Variants in DPP10 observed in about 807,000 individuals in gnomAD.
DPP10 encodes inactive dipeptidyl peptidase 10.
DPP10 carries 33 observed loss-of-function variants against 120.9 expected under a neutral mutation model. That is an observed-to-expected ratio of 0.27 (90% CI 0.21 to 0.37). The LOEUF (loss-of-function observed/expected upper bound fraction) is 0.37, where lower values mean the gene tolerates loss of function less well. DPP10 is among the 10% of genes least tolerant of loss of function. The pLI is 1.00. For synonymous variants in DPP10, 337 were observed against 326.1 expected (o/e 1.03, Z -0.36); for missense variants, 816 against 942.8 (o/e 0.87, Z 1.76).
intron 1 of DPP10, among the ~76,000 whole-genome samples, chr2:115,033,207 G>A (rs141129116): frequency 8.5e-5 from 13 of 152,272 alleles, no homozygotes; most frequent in African/African-American, 2.9e-4. Context: ...TAATGACTTG[G>A]TTCATGCAGT....
In DPP10 at chr2:114,563,312, C is replaced by CA. The variant is rs1238338513; in HGVS notation, c.60+120475dup. On this transcript the variant is annotated intron_variant, in intron 1 of 25. Transcript: ENST00000410059. ...ACTTGAACCTGGGAGGCAGAGGTTG[C>CA]AGTGCACTGAGATGGTGCCACTGCA... 4.0e-5 allele frequency among the ~76,000 whole-genome samples: 6 copies of CA among 151,118 alleles called. No individual in the cohort carries two copies. The Middle Eastern group carries it at 0.01, about 259-fold the overall frequency.
At chr2:114,973,346 T>C (rs1699518926) in intron 1 of DPP10, among the ~76,000 whole-genome samples, 1 of 151,262 alleles carries the variant, frequency 6.6e-6, no homozygotes, top group Admixed American at 6.6e-5. Context: ...TATTTTAGTG[T>C]GTACTCCTAC....
In DPP10 at chr2:114,564,006, A is replaced by T. The variant is rs192980329; in HGVS notation, c.60+121168A>T. 2.0e-5 allele frequency among the ~76,000 whole-genome samples: 3 copies of T among 152,292 alleles called. No homozygotes were observed. The East Asian group carries it at 5.8e-4, about 29-fold the overall frequency. On this transcript the variant is annotated intron_variant, in intron 1 of 25. Transcript: ENST00000410059. ...TGGGATAGCAGGAGAATGGGTGTGA[A>T]GTATCAAGGGCTGGGTTGGCCACAA...
At chr2:114,867,039 G>T (rs1690297545) in intron 1 of DPP10, among the ~76,000 whole-genome samples, 2 of 152,126 alleles carry the variant, frequency 1.3e-5, no homozygotes, top group African/African-American at 4.8e-5. Context: ...TTTCTGTTCT[G>T]TATTAATGAA....
At chr2:115,808,340 G>C (rs527884778) in intron 19 of DPP10, among the ~76,000 whole-genome samples, 2 of 152,154 alleles carry the variant, frequency 1.3e-5, no homozygotes, top group African/African-American at 4.8e-5. Flanking sequence ...CCTGAGAAAC[G>C]ATGTTCTTGA....
chr2:114,992,655 A>C (rs970986707), intron 1 of DPP10, among the ~76,000 whole-genome samples: 1 of 152,244 alleles, frequency 6.6e-6, no homozygotes, highest in Non-Finnish European at 1.5e-5. Flanking sequence ...GAAAATAAAT[A>C]GCAGGTTTAA....
At chr2:114,456,853 G>C (rs1678611087) in intron 1 of DPP10, among the ~76,000 whole-genome samples, 1 of 152,146 alleles carries the variant, frequency 6.6e-6, no homozygotes, top group Non-Finnish European at 1.5e-5. Flanking sequence ...GCATAAAGTG[G>C]GGAAATATAG....
At chr2:114,748,328 A>C (rs1678785775) in intron 1 of DPP10, among the ~76,000 whole-genome samples, 1 of 141,122 alleles carries the variant, frequency 7.1e-6, no homozygotes, top group Non-Finnish European at 1.5e-5. Flanking sequence ...CGTAGGACAA[A>C]GGGAATTTTC....
At chr2:115,681,313 ATATAT>A (rs768992596) in intron 5 of DPP10, among the ~76,000 whole-genome samples, 83 of 151,960 alleles carry the variant, frequency 5.5e-4, no homozygotes, top group Middle Eastern at 3.4e-3. Context: ...AGGTAAATAC[ATATAT>A]TATAATACTT....
intron 1 of DPP10, among the ~76,000 whole-genome samples, chr2:115,147,370 G>T (rs759838167): frequency 1.6e-4 from 25 of 151,920 alleles, no homozygotes; most frequent in Non-Finnish European, 2.8e-4. Flanking sequence ...CATTATTAAG[G>T]ATATTAACAA....
At chr2:114,601,737 T>C (rs1163175394) in intron 1 of DPP10, among the ~76,000 whole-genome samples, 1 of 151,986 alleles carries the variant, frequency 6.6e-6, no homozygotes, top group Non-Finnish European at 1.5e-5. Context: ...TGTTCCACAC[T>C]ACAGCTGCAG....
chr2:115,665,226 C>T (rs758096715), intron 5 of DPP10, among the ~76,000 whole-genome samples: 6 of 152,192 alleles, frequency 3.9e-5, no homozygotes, highest in Non-Finnish European at 5.9e-5. Flanking sequence ...ACAGCAGTCA[C>T]AATGTTACCG....
At chr2:115,047,045 A>T (rs1176797103) in intron 1 of DPP10, among the ~76,000 whole-genome samples, 1 of 151,946 alleles carries the variant, frequency 6.6e-6, no homozygotes, top group African/African-American at 2.4e-5. Context: ...AAGTAGTATC[A>T]CTCCTATAAT....
At chr2:115,223,269 T>C (rs2057267003) in intron 1 of DPP10, among the ~76,000 whole-genome samples, 3 of 152,160 alleles carry the variant, frequency 2.0e-5, no homozygotes, top group Admixed American at 1.3e-4. Flanking sequence ...TATTTTGTTT[T>C]TGAGGCCACT....
intron 1 of DPP10, among the ~76,000 whole-genome samples, chr2:114,586,875 C>T (rs906532059): frequency 3.9e-5 from 6 of 152,196 alleles, no homozygotes; most frequent in South Asian, 4.1e-4. Context: ...GTGATCTCCA[C>T]GTACTGGCTC....
chr2:114,840,533 A>C (rs1688076065), intron 1 of DPP10, among the ~76,000 whole-genome samples: 1 of 152,200 alleles, frequency 6.6e-6, no homozygotes, highest in Non-Finnish European at 1.5e-5. Flanking sequence ...CCCAAAACTT[A>C]AGAAAGTGTA....
intron 1 of DPP10, among the ~76,000 whole-genome samples, chr2:115,070,257 A>G (rs539975912): frequency 6.6e-6 from 1 of 152,202 alleles, no homozygotes; most frequent in South Asian, 2.1e-4. Context: ...TTCTTAACAC[A>G]CTCTGGTCCT....
At chr2:115,519,342 G>A (rs1191553419) in intron 4 of DPP10, among the ~76,000 whole-genome samples, 1 of 152,038 alleles carries the variant, frequency 6.6e-6, no homozygotes, top group African/African-American at 2.4e-5. Context: ...TAAAAATTAC[G>A]TAGTTGTATC....
chr2:115,513,634 G>A (rs1038426958), intron 4 of DPP10, among the ~76,000 whole-genome samples: 3 of 151,778 alleles, frequency 2.0e-5, no homozygotes, highest in Non-Finnish European at 2.9e-5. Flanking sequence ...AATTTCAATG[G>A]CATACAAACA....
Sources: allele counts gnomAD v4.1 joint callset (sites outside exome capture counted in the v4.1 genomes callset), GRCh38; gene constraint gnomAD v4.1.1; transcripts MANE v1.5; gene names NCBI Gene and HGNC (gene_info 2026-07-23, HGNC 2026-07-21).